The following RGS7BP variants were observed in gnomAD, a reference collection of about 807,000 sequenced individuals.
RGS7BP encodes regulator of G protein signaling 7-binding protein.
Under a neutral mutation model 31.3 loss-of-function variants are expected in RGS7BP, and 9 were observed. The observed-to-expected ratio is 0.29, with a 90% CI of 0.17 to 0.50. The LOEUF is 0.50. Ranked by LOEUF, RGS7BP falls within the 20% of genes least tolerant of loss-of-function variation. The pLI is 0.98. For synonymous variants in RGS7BP, 115 were observed against 120.1 expected (o/e 0.96, Z 0.28); for missense variants, 274 against 322.0 (o/e 0.85, Z 1.14).
At position 64,612,316 on chromosome 5, in the gene RGS7BP, G is replaced by C. The variant is rs868127919; in HGVS notation, c.*3064G>C. On this transcript the variant is annotated 3_prime_UTR_variant, in exon 6 of 6. Coordinates refer to ENST00000334025, the MANE Select transcript of RGS7BP (RefSeq NM_001029875.3). Reference sequence around the variant, plus strand: ...TTAAAAAAACAAACAAAAAAAACAAGCCAGAAAAAAAAAATTCTGTCCGCT... The same window carrying C: ...TTAAAAAAACAAACAAAAAAAACAACCCAGAAAAAAAAAATTCTGTCCGCT... The C allele has an allele frequency of 2.1e-4, 32 of 151,676 alleles. No homozygotes were observed. The highest frequency in any genetic ancestry group is 6.6e-4 in the Admixed American group (10 of 15,146). 9.4% of individuals were successfully genotyped at this position (151,676 alleles called of 1,614,324 possible).
At chr5:64,517,596 TC>T (rs1381364225) in intron 2 of RGS7BP, among the ~76,000 whole-genome samples, 4 of 152,182 alleles carry the variant, frequency 2.6e-5, no homozygotes, top group African/African-American at 7.2e-5. Flanking sequence ...AAAACTTCAC[TC>T]CTCTGCATGT....
chr5:64,577,795 T>C (rs1366131415), intron 3 of RGS7BP, among the ~76,000 whole-genome samples: 2 of 151,884 alleles, frequency 1.3e-5, no homozygotes, highest in Admixed American at 6.6e-5. Context: ...GCATACAGAG[T>C]AGTATTTTCA....
At chr5:64,565,037 T>C (rs377238831) in intron 2 of RGS7BP, among the ~76,000 whole-genome samples, 109 of 152,216 alleles carry the variant, frequency 7.2e-4, no homozygotes, top group African/African-American at 2.6e-3. Flanking sequence ...GCCACTAGTA[T>C]GCAATCTCTG....
At chr5:64,587,124 G>A (rs1380545433) in intron 3 of RGS7BP, among the ~76,000 whole-genome samples, 1 of 152,120 alleles carries the variant, frequency 6.6e-6, no homozygotes, top group African/African-American at 2.4e-5. Context: ...CGTATAGGAG[G>A]ACTTTTAGGG....
In RGS7BP at chr5:64,575,783, T is replaced by C. The variant is rs775678463; in HGVS notation, c.342T>C (p.Asp114=). 6.2e-4 allele frequency: 996 copies of C among 1,609,418 alleles called. 12 individuals are homozygous for C. Among genetic ancestry groups the C allele is most frequent in the Non-Finnish European group, 2.0e-5 (24 of 1,178,300 alleles). The change falls in exon 3 of 6, where the codon GAT becomes GAC. Residue 114 remains aspartate, a synonymous_variant. Coordinates refer to ENST00000334025, the MANE Select transcript of RGS7BP (RefSeq NM_001029875.3). ...TTTCATTCTGTTGCAGCCCGGAAGA[T>C]GGTGAGATCCATCCAGAAATCTGTC... ...QKLAAISGPE[D]GEIHPEICRL...
At chr5:64,537,463 T>G (rs1383926747) in intron 2 of RGS7BP, among the ~76,000 whole-genome samples, 1 of 152,100 alleles carries the variant, frequency 6.6e-6, no homozygotes, top group Non-Finnish European at 1.5e-5. Flanking sequence ...AGATATATAG[T>G]TAGCGTTGAA....
chr5:64,595,191 A>G (rs910631908), intron 4 of RGS7BP, among the ~76,000 whole-genome samples: 4 of 152,156 alleles, frequency 2.6e-5, no homozygotes, highest in Non-Finnish European at 5.9e-5. Flanking sequence ...GAAAAAGTCT[A>G]CATGCTGTCA....
chr5:64,576,875 TAC>T (rs1460928689), intron 3 of RGS7BP, among the ~76,000 whole-genome samples: 2 of 152,188 alleles, frequency 1.3e-5, no homozygotes, highest in Non-Finnish European at 2.9e-5. Context: ...ACTTCTAGAA[TAC>T]AGTGTTTTTG....
At position 64,609,426 on chromosome 5, in the gene RGS7BP, T is replaced by G. The variant is rs1743447953; in HGVS notation, c.*174T>G. ...AAATGATTTTACACTTGAAAGCAGC[T>G]GCCGTCAAGAAAAAAAAGAACAGAT... On this transcript the variant is annotated 3_prime_UTR_variant, in exon 6 of 6. Transcript: ENST00000334025. The G allele has an allele frequency of 1.8e-6, 1 of 550,010 alleles. No individual in the cohort carries two copies. Among genetic ancestry groups the G allele is most frequent in the African/African-American group, 1.9e-5 (1 of 53,140 alleles). The allele number at this position is 550,010 out of a possible 1,614,324, so 34.1% of individuals were successfully genotyped here.
At chr5:64,518,381 G>T (rs1185742998) in intron 2 of RGS7BP, among the ~76,000 whole-genome samples, 2 of 151,786 alleles carry the variant, frequency 1.3e-5, no homozygotes, top group Non-Finnish European at 2.9e-5. Context: ...GGTGGGGCTG[G>T]TGACTGAGAA....
intron 4 of RGS7BP, among the ~76,000 whole-genome samples, chr5:64,595,926 G>A (rs779798012): frequency 1.1e-4 from 17 of 152,162 alleles, no homozygotes; most frequent in Non-Finnish European, 2.1e-4. Context: ...CTTGGATTTT[G>A]TATAAGCTTG....
rs540848623 is a variant in RGS7BP at position 64,584,029 on chromosome 5, A to G, written c.463+8125A>G. On this transcript the variant is annotated intron_variant, in intron 3 of 5. Coordinates refer to ENST00000334025, the MANE Select transcript of RGS7BP (RefSeq NM_001029875.3). ...GAGGAACTCAAAGCTCAATGAGGTA[A>G]GTTGCCCAAGGTCACATAGCACATT... Among the ~76,000 whole-genome samples, 10 of 152,354 alleles carry G rather than the reference A, an allele frequency of 6.6e-5. 1 individual carries two copies. The South Asian group carries it at 2.1e-3, about 32-fold the overall frequency.
chr5:64,532,125 A>G (rs1749385709), intron 2 of RGS7BP, among the ~76,000 whole-genome samples: 1 of 152,196 alleles, frequency 6.6e-6, no homozygotes, highest in Admixed American at 6.5e-5. Context: ...CTTTCAGAAA[A>G]TGAAAAAGAA....
In RGS7BP at chr5:64,511,361, T is replaced by C. The variant is rs536636403; in HGVS notation, c.332+3484T>C. Among the ~76,000 whole-genome samples, 9 of 152,358 alleles carry C rather than the reference T, an allele frequency of 5.9e-5. No homozygotes were observed. The South Asian group carries it at 1.9e-3, about 32-fold the overall frequency. ...CCAGCCAGGTGAATACAAAGTATCC[T>C]CTGACTGTCTTGATTTACTAAAGTT... On this transcript the variant is annotated intron_variant, in intron 2 of 5. Coordinates refer to ENST00000334025, the MANE Select transcript of RGS7BP (RefSeq NM_001029875.3).
chr5:64,517,722 T>G (rs141169698), intron 2 of RGS7BP, among the ~76,000 whole-genome samples: 213 of 152,244 alleles, frequency 1.4e-3, no homozygotes, highest in African/African-American at 4.6e-3. Flanking sequence ...TTAAATGAAC[T>G]CATGGAAAAG....
intron 4 of RGS7BP, among the ~76,000 whole-genome samples, chr5:64,596,142 T>A (rs1210683105): frequency 6.6e-6 from 1 of 152,210 alleles, no homozygotes; most frequent in Admixed American, 6.5e-5. Flanking sequence ...AGCAGCTATA[T>A]TCACGCCTTA....
At chr5:64,556,204 A>T (rs1184004040) in intron 2 of RGS7BP, among the ~76,000 whole-genome samples, 1 of 152,046 alleles carries the variant, frequency 6.6e-6, no homozygotes, top group Non-Finnish European at 1.5e-5. Context: ...ATCAAATGAT[A>T]TATCTCACTG....
chr5:64,609,339 T>C lies in RGS7BP; in HGVS notation c.*87T>C. On this transcript the variant is annotated 3_prime_UTR_variant, in exon 6 of 6. Transcript: ENST00000334025. ...CCAGACAGCTGAACCACACAGTTAT[T>C]GGTTTTTGACTATGTTTTCTATGCT... 1.3e-6 allele frequency: 1 copy of C among 791,850 alleles called. No homozygotes were observed. Among genetic ancestry groups the C allele is most frequent in the Non-Finnish European group, 2.3e-6 (1 of 439,894 alleles). The allele number at this position is 791,850 out of a possible 1,614,324, so 49.1% of individuals were successfully genotyped here.
chr5:64,563,784 T>C (rs1180549051), intron 2 of RGS7BP, among the ~76,000 whole-genome samples: 1 of 152,210 alleles, frequency 6.6e-6, no homozygotes, highest in Non-Finnish European at 1.5e-5. Context: ...TAAGTGTGTT[T>C]ATTTTGAAAC....
Sources: allele counts gnomAD v4.1 joint callset (sites outside exome capture counted in the v4.1 genomes callset), GRCh38; gene constraint gnomAD v4.1.1; transcripts MANE v1.5; gene names NCBI Gene and HGNC (gene_info 2026-07-23, HGNC 2026-07-21).